Variants in MTUS2 observed in about 807,000 individuals in gnomAD.
MTUS2 encodes microtubule-associated tumor suppressor candidate 2.
MTUS2 carries 40 observed loss-of-function variants against 114.1 expected under a neutral mutation model. The observed-to-expected ratio is 0.35, with a 90% confidence interval of 0.27 to 0.46. The LOEUF (loss-of-function observed/expected upper bound fraction) is 0.46. Ranked by LOEUF, MTUS2 falls within the 20% of genes least tolerant of loss-of-function variation. The probability of loss-of-function intolerance (pLI) is 1.00; values close to 1 mark genes in which losing one functional copy is unlikely to be tolerated. For missense variants in MTUS2, 1,679 were observed against 1,705.4 expected (o/e 0.98, Z 0.27); for synonymous variants, 688 against 672.0 (o/e 1.02, Z -0.37).
chr13:28,897,977 C>G (rs189785460), intron 2 of MTUS2, among the ~76,000 whole-genome samples: 1 of 151,806 alleles, frequency 6.6e-6, no homozygotes, highest in African/African-American at 2.4e-5. Flanking sequence ...GTGCAGCACA[C>G]CAACACGGCA....
chr13:29,376,729 T>C (rs2388073), intron 8 of MTUS2, among the ~76,000 whole-genome samples: 73,788 of 151,960 alleles, frequency 0.49, 19,809 homozygotes, highest in East Asian at 0.66. Context: ...TGTAAAATGT[T>C]ATATAGTACA....
In MTUS2 at chr13:29,428,701, A is replaced by C. The variant is rs900542716; in HGVS notation, c.3118-11282A>C. 13 of 1,397,006 alleles carry C rather than the reference A, an allele frequency of 9.3e-6. No individual in the cohort carries two copies. The African/African-American group carries it at 1.6e-4, about 17-fold the overall frequency. The allele number at this position is 1,397,006 out of a possible 1,614,324, so 86.5% of individuals were successfully genotyped here. A position where few individuals can be genotyped will look rare whatever the true frequency, so the allele number is the denominator to read the frequency against. On this transcript the variant is annotated intron_variant, in intron 8 of 15. Coordinates refer to ENST00000612955, the MANE Select transcript of MTUS2 (RefSeq NM_001033602.4). ...TCCTGGATTCCTGAAGTTTAGGAGAAATAAGGTAGCCAAGGGAACCACATG... is the reference window on the plus strand; with the variant it reads ...TCCTGGATTCCTGAAGTTTAGGAGACATAAGGTAGCCAAGGGAACCACATG...
intron 2 of MTUS2, among the ~76,000 whole-genome samples, chr13:28,855,989 T>C (rs547275288): frequency 6.6e-5 from 10 of 152,262 alleles, no homozygotes; most frequent in Admixed American, 3.9e-4. Flanking sequence ...TGGTATCTCA[T>C]TGTGGTTTTG....
intron 5 of MTUS2, chr13:29,240,240 T>G (rs1445492564): frequency 6.6e-6 from 1 of 152,204 alleles, no homozygotes; most frequent in Non-Finnish European, 1.5e-5. Context: ...TTACCCTTCC[T>G]AGCACTGTCT....
rs577614647 is a variant in MTUS2 at position 28,911,257 on chromosome 13, C to T, written c.-243+71407C>T. On this transcript the variant is annotated intron_variant, in intron 2 of 15. Transcript: ENST00000612955. Reference sequence around the variant, plus strand: ...ATGGCACGATCTTGGCTCACTGCAACGTCCACCTCCTGGTTTCAAGTGATT... The same window carrying T: ...ATGGCACGATCTTGGCTCACTGCAATGTCCACCTCCTGGTTTCAAGTGATT... Among the ~76,000 whole-genome samples the T allele has an allele frequency of 4.7e-5, 7 of 147,478 alleles. No homozygotes were observed. The East Asian group carries it at 8.1e-4, about 17-fold the overall frequency.
intron 5 of MTUS2, among the ~76,000 whole-genome samples, chr13:29,145,625 G>C (rs1892402074): frequency 6.6e-6 from 1 of 152,166 alleles, no homozygotes; most frequent in South Asian, 2.1e-4. Context: ...GAAGACATGT[G>C]TGAGGTAGTC....
chr13:29,284,367 A>G (rs1295017666), intron 6 of MTUS2, among the ~76,000 whole-genome samples: 1 of 151,282 alleles, frequency 6.6e-6, no homozygotes, highest in Non-Finnish European at 1.5e-5. Flanking sequence ...ATGAACTTAT[A>G]TTAAGAAAAA....
At chr13:29,366,932 A>T (rs149246746) in intron 8 of MTUS2, among the ~76,000 whole-genome samples, 219 of 152,210 alleles carry the variant, frequency 1.4e-3, no homozygotes, top group African/African-American at 5.1e-3. Context: ...TTGTGATGTG[A>T]GCCTCCCTCC....
intron 5 of MTUS2, among the ~76,000 whole-genome samples, chr13:29,190,237 A>G (rs1894391761): frequency 6.6e-6 from 1 of 152,220 alleles, no homozygotes; most frequent in African/African-American, 2.4e-5. Flanking sequence ...GCTAATACCT[A>G]ACACTGGGAA....
chr13:29,389,292 T>G, intron 8 of MTUS2, among the ~76,000 whole-genome samples: 1 of 147,920 alleles, frequency 6.8e-6, no homozygotes, highest in African/African-American at 2.6e-5. Context: ...TATACACATA[T>G]GTGTGTATAT....
intron 2 of MTUS2, among the ~76,000 whole-genome samples, chr13:28,981,864 A>G (rs373910475): frequency 6.6e-6 from 1 of 152,220 alleles, no homozygotes; most frequent in East Asian, 1.9e-4. Context: ...GCGGCCCACC[A>G]TTGTGTCACC....
intron 10 of MTUS2, among the ~76,000 whole-genome samples, chr13:29,481,928 C>T (rs1881215986): frequency 6.6e-6 from 1 of 152,154 alleles, no homozygotes; most frequent in African/African-American, 2.4e-5. Flanking sequence ...TGTCGTGCCT[C>T]CCAGCCTGTC....
intron 2 of MTUS2, among the ~76,000 whole-genome samples, chr13:28,901,816 A>G (rs1879663035): frequency 6.6e-6 from 1 of 152,144 alleles, no homozygotes; most frequent in African/African-American, 2.4e-5. Flanking sequence ...TTTTTTCCCA[A>G]GATTATTATG....
chr13:29,042,408 G>A (rs2484465), intron 4 of MTUS2, among the ~76,000 whole-genome samples: 145,272 of 152,200 alleles, frequency 0.95, 69,439 homozygotes, highest in South Asian at 0.98. Flanking sequence ...GTTCATCAGG[G>A]AGATTGGTCT....
intron 2 of MTUS2, among the ~76,000 whole-genome samples, chr13:28,876,647 A>G (rs7986410): frequency 0.088 from 13,333 of 152,274 alleles, 1,891 homozygotes; most frequent in African/African-American, 0.3. Context: ...AGGTTGGGCC[A>G]CATTCCTGAA....
intron 2 of MTUS2, among the ~76,000 whole-genome samples, chr13:28,965,368 G>C (rs968605892): frequency 1.3e-5 from 2 of 152,022 alleles, no homozygotes. Flanking sequence ...TTCTAAAGGG[G>C]GCTTTCTGGC....
chr13:29,324,739 G>T (rs748284864), intron 7 of MTUS2, 28 bp downstream of exon 7: 356 of 1,534,094 alleles, frequency 2.3e-4, no homozygotes, highest in Non-Finnish European at 3.0e-4. Flanking sequence ...TGTGTTCCTT[G>T]GGGGAATGAC....
intron 5 of MTUS2, among the ~76,000 whole-genome samples, chr13:29,270,317 A>AC (rs1392056702): frequency 6.6e-6 from 1 of 151,806 alleles, no homozygotes; most frequent in Non-Finnish European, 1.5e-5. Context: ...GAGGTAAAGC[A>AC]CCCCCCTCAG....
intron 2 of MTUS2, among the ~76,000 whole-genome samples, chr13:28,949,916 T>C (rs1263808231): frequency 1.3e-5 from 2 of 152,256 alleles, no homozygotes; most frequent in Non-Finnish European, 2.9e-5. Context: ...AACATCCATG[T>C]ACAAATATTT....
Sources: allele counts gnomAD v4.1 joint callset (sites outside exome capture counted in the v4.1 genomes callset), GRCh38; gene constraint gnomAD v4.1.1; transcripts MANE v1.5; gene names NCBI Gene and HGNC (gene_info 2026-07-23, HGNC 2026-07-21).